Variants in CSPP1 observed in about 807,000 individuals in gnomAD.
CSPP1 encodes centrosome and spindle pole-associated protein 1.
A neutral mutation model predicts 164.4 loss-of-function variants in CSPP1; 126 were observed. The ratio of observed to expected loss-of-function variants is 0.77; its 90% confidence interval spans 0.66 to 0.89. CSPP1 has a LOEUF of 0.89. CSPP1 is among the 40% of genes least tolerant of loss of function. The pLI, the probability that CSPP1 is intolerant of heterozygous loss-of-function variation, is 0.00. For synonymous variants in CSPP1, 472 were observed against 476.7 expected (o/e 0.99, Z 0.13); for missense variants, 1,395 against 1,449.8 (o/e 0.96, Z 0.61).
rs1339355378 is a variant in CSPP1 at position 67,190,770 on chromosome 8, G to A, written c.3330+11G>A. On this transcript the variant is annotated intron_variant, in intron 29 of 30. Coordinates refer to ENST00000678616, the MANE Select transcript of CSPP1 (RefSeq NM_001382391.1). The stretch of plus-strand genomic sequence containing the variant: ...AAAGGACTAGACATTGTATGTATGA[G>A]ACTTTTCTCCCCCTTTTCAACTTAG... 19 of 1,565,314 alleles carry A rather than the reference G, an allele frequency of 1.2e-5. No homozygotes were observed. Among genetic ancestry groups the A allele is most frequent in the Admixed American group, 1.7e-5 (1 of 59,926 alleles).
intron 24 of CSPP1, among the ~76,000 whole-genome samples, chr8:67,168,840 G>T (rs1393927595): frequency 6.6e-6 from 1 of 152,196 alleles, no homozygotes; most frequent in African/African-American, 2.4e-5. Context: ...ACTTATCAGT[G>T]TATAACTATT....
chr8:67,104,628 TTTTTTC>T (rs1319301143), intron 8 of CSPP1, among the ~76,000 whole-genome samples: 1 of 151,518 alleles, frequency 6.6e-6, no homozygotes, highest in Non-Finnish European at 1.5e-5. Flanking sequence ...TACGTGCACT[TTTTTTC>T]TTTTTCTTTT....
chr8:67,074,397 A>G (rs751813952), intron 2 of CSPP1, 46 bp downstream of exon 2: 8 of 1,184,226 alleles, frequency 6.8e-6, no homozygotes, highest in Admixed American at 3.9e-5. Context: ...ATAATTGTCT[A>G]TGGAGATTAC....
intron 24 of CSPP1, among the ~76,000 whole-genome samples, chr8:67,167,809 C>T (rs1163530968): frequency 8.0e-5 from 12 of 150,796 alleles, no homozygotes; most frequent in Admixed American, 7.9e-4. Flanking sequence ...CCTCACTTCC[C>T]AGACTGGGCA....
chr8:67,110,006 T>A (rs1346491865), intron 9 of CSPP1, among the ~76,000 whole-genome samples: 1 of 152,016 alleles, frequency 6.6e-6, no homozygotes, highest in Non-Finnish European at 1.5e-5. Context: ...AACTGTGGGT[T>A]TGTTTTAGAT....
intron 9 of CSPP1, among the ~76,000 whole-genome samples, chr8:67,109,971 A>T (rs1293053622): frequency 1.3e-5 from 2 of 152,110 alleles, no homozygotes; most frequent in African/African-American, 2.4e-5. Flanking sequence ...TTAGGCAAGC[A>T]GAAATCGGCT....
intron 28 of CSPP1, among the ~76,000 whole-genome samples, chr8:67,186,141 A>G (rs113707195): frequency 0.018 from 2,797 of 152,352 alleles, 94 homozygotes; most frequent in African/African-American, 0.065. Flanking sequence ...AAAATTTTCC[A>G]TCATTTCATT....
intron 1 of CSPP1, among the ~76,000 whole-genome samples, chr8:67,071,743 A>G (rs754087204): frequency 3.9e-5 from 6 of 152,158 alleles, no homozygotes; most frequent in Non-Finnish European, 5.9e-5. Flanking sequence ...ACCCAATTAG[A>G]TGCTAACTTT....
At chr8:67,066,767 A>T (rs1193866562) in intron 1 of CSPP1, among the ~76,000 whole-genome samples, 1 of 151,518 alleles carries the variant, frequency 6.6e-6, no homozygotes, top group African/African-American at 2.4e-5. Context: ...ATATACACAC[A>T]TATATATTTG....
rs867752715 is a variant in CSPP1, at chr8:67,196,522, G to A, written c.*929G>A. Among the ~76,000 whole-genome samples the A allele has an allele frequency of 1.3e-5, 2 of 152,292 alleles. No individual in the cohort carries two copies. Among genetic ancestry groups the A allele is most frequent in the Middle Eastern group, 3.4e-3 (1 of 294 alleles). On this transcript the variant is annotated 3_prime_UTR_variant, in exon 31 of 31. Coordinates refer to ENST00000678616, the MANE Select transcript of CSPP1 (RefSeq NM_001382391.1). Reference sequence around the variant, plus strand: ...ACAGCTGAGAACATCCCCAGGCACTGCTTCTCTCTCTAATAATACTTCCTC... The same window carrying A: ...ACAGCTGAGAACATCCCCAGGCACTACTTCTCTCTCTAATAATACTTCCTC...
intron 19 of CSPP1, among the ~76,000 whole-genome samples, chr8:67,157,314 A>G (rs1372928389): frequency 6.6e-6 from 1 of 151,626 alleles, no homozygotes; most frequent in Non-Finnish European, 1.5e-5. Flanking sequence ...TTTTTTTTTA[A>G]AGACAGAGTC....
chr8:67,070,736 T>C (rs765392161), intron 1 of CSPP1, among the ~76,000 whole-genome samples: 8 of 149,560 alleles, frequency 5.3e-5, no homozygotes, highest in Non-Finnish European at 8.9e-5. Flanking sequence ...TATATATATA[T>C]ATATATTTCT....
intron 8 of CSPP1, among the ~76,000 whole-genome samples, chr8:67,105,577 T>A (rs2129547708): frequency 6.6e-6 from 1 of 151,948 alleles, no homozygotes; most frequent in East Asian, 1.9e-4. Context: ...AGAGACGGGG[T>A]TTCACCATAT....
intron 28 of CSPP1, among the ~76,000 whole-genome samples, chr8:67,189,580 TTA>T (rs1219381286): frequency 2.0e-5 from 3 of 152,246 alleles, no homozygotes; most frequent in Non-Finnish European, 1.5e-5. Flanking sequence ...TGAATATCAA[TTA>T]TATGTTAAAC....
chr8:67,128,064 A>G (rs1433102235), intron 15 of CSPP1, among the ~76,000 whole-genome samples: 4 of 152,218 alleles, frequency 2.6e-5, no homozygotes, highest in Non-Finnish European at 5.9e-5. Flanking sequence ...GATTAGCTTT[A>G]GTCTTTCATA....
rs1458590880 is a variant in CSPP1 at position 67,195,770 on chromosome 8, T to C, written c.*177T>C. On this transcript the variant is annotated 3_prime_UTR_variant, in exon 31 of 31. Transcript: ENST00000678616. Reference sequence around the variant, plus strand: ...GTACATAAATAAAAGGCCATGATTATTGATTTATATAATAGAATTGTATAG... The same window carrying C: ...GTACATAAATAAAAGGCCATGATTACTGATTTATATAATAGAATTGTATAG... 3 of 592,198 alleles carry C rather than the reference T, an allele frequency of 5.1e-6. No homozygotes were observed. Among genetic ancestry groups the C allele is most frequent in the African/African-American group, 1.9e-5 (1 of 53,582 alleles). The allele number at this position is 592,198 out of a possible 1,614,324, so 36.7% of individuals were successfully genotyped here.
rs75671377 is a variant in CSPP1, at chr8:67,083,489, G to A, written c.200-2518G>A. Among the ~76,000 whole-genome samples the A allele has an allele frequency of 8.1e-3, 1,068 of 132,668 alleles. 8 individuals are homozygous for A. The highest frequency in any genetic ancestry group is 0.014 in the East Asian group (63 of 4,426). 87.0% of individuals were successfully genotyped at this position (132,668 alleles called of 152,430 possible). A position where few individuals can be genotyped will look rare whatever the true frequency, so the allele number is the denominator to read the frequency against. On this transcript the variant is annotated intron_variant, in intron 3 of 30. Transcript: ENST00000678616. ...GGAGGTTGCAGTGAGCCAAGATTGCGCCACTGCACTCCAGCCTGGGCAACA... is the reference window on the plus strand; with the variant it reads ...GGAGGTTGCAGTGAGCCAAGATTGCACCACTGCACTCCAGCCTGGGCAACA...
chr8:67,107,274 C>T (rs371297844), intron 9 of CSPP1, among the ~76,000 whole-genome samples: 1 of 152,134 alleles, frequency 6.6e-6, no homozygotes, highest in East Asian at 1.9e-4. Context: ...TCTCAAACTC[C>T]TGACCTCAAG....
chr8:67,118,660 ACCTTT>A (rs1818395970), intron 14 of CSPP1, 78 bp from the exon 15 acceptor site: 4 of 967,928 alleles, frequency 4.1e-6, no homozygotes, highest in African/African-American at 1.7e-5. Flanking sequence ...TTGATTATGC[ACCTTT>A]TTCTGGAGGA....
Sources: gnomAD v4.1 joint callset for allele counts (sites outside exome capture counted in the v4.1 genomes callset) on GRCh38, gnomAD v4.1.1 for gene constraint, MANE v1.5 for transcripts, NCBI Gene and HGNC (gene_info 2026-07-23, HGNC 2026-07-21) for gene names.